The following ARRDC5 variants were observed in gnomAD, a reference collection of about 807,000 sequenced individuals.
ARRDC5 encodes the protein arrestin domain-containing protein 5.
Under a neutral mutation model 13.3 loss-of-function variants are expected in ARRDC5, and 12 were observed. The observed-to-expected ratio is 0.90, with a 90% CI of 0.58 to 1.46. ARRDC5 has a LOEUF of 1.46. Among genes scored for constraint, ARRDC5 ranks in the 40% most tolerant of loss-of-function variants. The probability of loss-of-function intolerance (pLI) is 0.00; values close to 1 mark genes in which losing one functional copy is unlikely to be tolerated. For missense variants in ARRDC5, 406 were observed against 418.7 expected (o/e 0.97, Z 0.26); for synonymous variants, 181 against 173.4 (o/e 1.04, Z -0.34).
Position 4,891,461 on chromosome 19 carries a change from A to T in ARRDC5, c.572T>A (p.Val191Asp). Residue 191 changes from valine to aspartate, a missense_variant, in exon 3 of 3, where the codon GTC (valine) becomes GAC (aspartate). Physicochemically the swap from Val to Asp is radical, Grantham distance 152. Coordinates refer to ENST00000650722, the MANE Select transcript of ARRDC5 (RefSeq NM_001080523.3). ...ERNTFTPGEKVVFTTEINNQT... is the reference protein window; with the variant it reads ...ERNTFTPGEKDVFTTEINNQT... ...GTTGTTGATCTCTGTTGTGAAGACG[A>T]CCTTCTCTCCTGGCGTGAAGGTGTT... 6.2e-7 allele frequency: 1 copy of T among 1,613,690 alleles called. No individual in the cohort carries two copies. Among genetic ancestry groups the T allele is most frequent in the Non-Finnish European group, 8.5e-7 (1 of 1,179,882 alleles).
At chr19:4,912,237 G>A in the ARRDC5 span, among the ~76,000 whole-genome samples, 23 of 152,304 alleles carry the variant, frequency 1.5e-4, no homozygotes, top group African/African-American at 5.5e-4. Context: ...AGGCAGGGCC[G>A]GGCTCGACAG....
intron 2 of ARRDC5, among the ~76,000 whole-genome samples, chr19:4,896,346 ATATTT>A (rs1209801491): frequency 0.08 from 5,699 of 71,634 alleles, 383 homozygotes; most frequent in Middle Eastern, 0.14. Context: ...ATATATATAT[ATATTT>A]TTTTTTTTTT....
At chr19:4,908,033 C>G in the ARRDC5 span, among the ~76,000 whole-genome samples, 1 of 152,130 alleles carries the variant, frequency 6.6e-6, no homozygotes, top group Non-Finnish European at 1.5e-5. Context: ...CATTGTAAAG[C>G]CTGCTTCCAC....
chr19:4,900,482 T>G (rs2031881264), intron 1 of ARRDC5, among the ~76,000 whole-genome samples: 2 of 152,186 alleles, frequency 1.3e-5, no homozygotes, highest in South Asian at 4.1e-4. Flanking sequence ...TATGTGCCAT[T>G]AAATCATTAA....
chr19:4,914,968 TC>T, the ARRDC5 span, among the ~76,000 whole-genome samples: 1 of 152,194 alleles, frequency 6.6e-6, no homozygotes, highest in Non-Finnish European at 1.5e-5. Context: ...GGCCAGGTCA[TC>T]CTCTGGCTGG....
chr19:4,913,363 C>A, the ARRDC5 span, among the ~76,000 whole-genome samples: 7 of 151,060 alleles, frequency 4.6e-5, no homozygotes, highest in Non-Finnish European at 2.9e-5. Flanking sequence ...AAGCGATCCT[C>A]CTGCCTTAGC....
chr19:4,907,719 T>C (rs2146268176), upstream of ARRDC5, among the ~76,000 whole-genome samples: 1 of 146,354 alleles, frequency 6.8e-6, no homozygotes, highest in African/African-American at 2.5e-5. Flanking sequence ...TTTTTTTTTT[T>C]TTTTTTTTTT....
chr19:4,903,129 C>G, upstream of ARRDC5: 1 of 353,366 alleles, frequency 2.8e-6, no homozygotes, highest in Non-Finnish European at 5.4e-6. Flanking sequence ...TGGGTTCAAG[C>G]AATTCTCCTG....
At chr19:4,914,983 C>A in the ARRDC5 span, among the ~76,000 whole-genome samples, 1 of 152,206 alleles carries the variant, frequency 6.6e-6, no homozygotes, top group Non-Finnish European at 1.5e-5. Context: ...TGGCTGGGAC[C>A]GTCCTGGGCA....
the ARRDC5 span, chr19:4,910,314 G>C: frequency 6.9e-6 from 1 of 145,648 alleles, no homozygotes; most frequent in South Asian, 2.2e-4. Flanking sequence ...GGCCACCGCG[G>C]GGCGGGCCCG....
intron 2 of ARRDC5, among the ~76,000 whole-genome samples, chr19:4,895,581 C>A (rs535157127): frequency 6.6e-6 from 1 of 152,126 alleles, no homozygotes; most frequent in African/African-American, 2.4e-5. Context: ...TCGACTTCCG[C>A]CTCTGCACCT....
intron 2 of ARRDC5, among the ~76,000 whole-genome samples, chr19:4,894,510 C>CAAAAAAAAAAAAAAAAAA (rs575777769): frequency 1.5e-4 from 4 of 27,226 alleles, no homozygotes; most frequent in African/African-American, 4.7e-4. Context: ...GACTCCGTCT[C>CAAAAAAAAAAAAAAAAAA]AAAAAAAAAA....
chr19:4,915,710 A>T, the ARRDC5 span, among the ~76,000 whole-genome samples: 11 of 145,472 alleles, frequency 7.6e-5, no homozygotes, highest in East Asian at 2.3e-3. Context: ...ACTCCGTCTC[A>T]AAAAAAAAGC....
chr19:4,912,230 C>T, the ARRDC5 span, among the ~76,000 whole-genome samples: 3,358 of 152,286 alleles, frequency 0.022, 107 homozygotes, highest in African/African-American at 0.075. Context: ...AGAGAAGAGG[C>T]AGGGCCGGGC....
the ARRDC5 span, chr19:4,910,634 C>T: frequency 2.0e-5 from 8 of 393,962 alleles, no homozygotes; most frequent in Non-Finnish European, 2.7e-5. Flanking sequence ...TCTTTCAATT[C>T]CCTCTTTTCA....
At chr19:4,893,222 A>G (rs8103426) in intron 2 of ARRDC5, among the ~76,000 whole-genome samples, 1,760 of 143,770 alleles carry the variant, frequency 0.012, 31 homozygotes, top group African/African-American at 0.042. Flanking sequence ...TTATATATAT[A>G]TAGCCAGGCG....
chr19:4,907,173 G>C (rs1024186072), upstream of ARRDC5, among the ~76,000 whole-genome samples: 1 of 152,150 alleles, frequency 6.6e-6, no homozygotes, highest in Non-Finnish European at 1.5e-5. Context: ...ACACTGGCTC[G>C]ATCTTGGCTC....
In ARRDC5 at chr19:4,890,801, G is replaced by A; in HGVS notation, c.*245C>T. The A allele has an allele frequency of 2.1e-6, 1 of 475,186 alleles. No individual in the cohort carries two copies. Among genetic ancestry groups the A allele is most frequent in the Non-Finnish European group, 3.8e-6 (1 of 265,574 alleles). The allele number at this position is 475,186 out of a possible 1,614,324, so 29.4% of individuals were successfully genotyped here. ...CCCAGTAGGCTGGGGCAGACTCAGG[G>A]TGGAAAAGGCAGGTTATGCCGGGTT... On this transcript the variant is annotated 3_prime_UTR_variant, in exon 3 of 3. Coordinates refer to ENST00000650722, the MANE Select transcript of ARRDC5 (RefSeq NM_001080523.3).
At chr19:4,909,625 G>A in the ARRDC5 span, 1 of 612,526 alleles carries the variant, frequency 1.6e-6, no homozygotes, top group Admixed American at 2.9e-5. Context: ...CACGCGCGCA[G>A]GCAGACAAGC....
Sources: allele counts gnomAD v4.1 joint callset (sites outside exome capture counted in the v4.1 genomes callset), GRCh38; gene constraint gnomAD v4.1.1; transcripts MANE v1.5; gene names NCBI Gene and HGNC (gene_info 2026-07-23, HGNC 2026-07-21).